The following LYPD3 variants were observed in gnomAD, a reference collection of about 807,000 sequenced individuals.
LYPD3 encodes ly6/PLAUR domain-containing protein 3.
Under a neutral mutation model 21.7 loss-of-function variants are expected in LYPD3, and 22 were observed. The observed-to-expected ratio is 1.01, with a 90% CI of 0.72 to 1.45. The LOEUF (loss-of-function observed/expected upper bound fraction) is 1.45, where lower values mean the gene tolerates loss of function less well. Among genes scored for constraint, LYPD3 ranks in the 40% most tolerant of loss-of-function variants. The probability of loss-of-function intolerance (pLI) is 0.00; values close to 1 mark genes in which losing one functional copy is unlikely to be tolerated. For missense variants in LYPD3, 471 were observed against 466.9 expected (o/e 1.01, Z -0.08); for synonymous variants, 179 against 203.0 (o/e 0.88, Z 1.00).
intron 3 of LYPD3, 39 bp from the exon 4 acceptor site, chr19:43,463,326 G>A: frequency 3.1e-6 from 5 of 1,596,508 alleles, no homozygotes; most frequent in Non-Finnish European, 4.2e-6. Context: ...GTGTCGAAAG[G>A]GTTCGGGAAC....
At position 43,465,474 on chromosome 19, in the gene LYPD3, C is replaced by T. The variant is rs750124924; in HGVS notation, c.79+19G>A. 2.5e-6 allele frequency: 4 copies of T among 1,607,142 alleles called. No homozygotes were observed. The highest frequency in any genetic ancestry group is 3.4e-6 in the Non-Finnish European group (4 of 1,179,624). On this transcript the variant is annotated intron_variant, in intron 1 of 4. Coordinates refer to ENST00000244333, the MANE Select transcript of LYPD3 (RefSeq NM_014400.3). Reference sequence around the variant, plus strand: ...AGCCCCCACTCTACCCCCTCCACCTCTCCGGGCAGCAGACCCACCTCCGCG... The same window carrying T: ...AGCCCCCACTCTACCCCCTCCACCTTTCCGGGCAGCAGACCCACCTCCGCG...
rs1400115629 is a variant in LYPD3, at chr19:43,463,593, A to G, written c.382+6T>C. On this transcript the variant is annotated splice_donor_region_variant and intron_variant, in intron 3 of 4. Coordinates refer to ENST00000244333, the MANE Select transcript of LYPD3 (RefSeq NM_014400.3). The stretch of plus-strand genomic sequence containing the variant: ...CCCCCGCAGCTACGGCCCGGCCCCC[A>G]CGGACCTGCCGGGTCGAGCGCCCGC... The G allele has an allele frequency of 4.4e-6, 7 of 1,598,396 alleles. No homozygotes were observed. Among genetic ancestry groups the G allele is most frequent in the Non-Finnish European group, 5.9e-6 (7 of 1,179,286 alleles).
At chr19:43,463,480 G>T in intron 3 of LYPD3, 119 bp downstream of exon 3, 1 of 1,317,558 alleles carries the variant, frequency 7.6e-7, no homozygotes, top group Non-Finnish European at 1.1e-6. Flanking sequence ...CCCCGCCCCA[G>T]AGTGTGACCC....
In LYPD3 at chr19:43,463,866, A is replaced by G. The variant is rs149996586; in HGVS notation, c.212-97T>C. The G allele has an allele frequency of 3.6e-4, 431 of 1,184,006 alleles. 3 individuals are homozygous for G. In the East Asian group the frequency reaches 9.8e-3, roughly 27 times the overall value. The allele number at this position is 1,184,006 out of a possible 1,614,324, so 73.3% of individuals were successfully genotyped here. ...GGGTCTGGGAGGGGCGGGGCCTCAA[A>G]TAGGCCAACACCACAGGACCGACAG... On this transcript the variant is annotated intron_variant, in intron 2 of 4. Coordinates refer to ENST00000244333, the MANE Select transcript of LYPD3 (RefSeq NM_014400.3).
rs760477530 is a variant in LYPD3 at position 43,465,546 on chromosome 19, G to A, written c.26C>T (p.Ala9Val). The A allele has an allele frequency of 6.2e-7, 1 of 1,610,580 alleles. No homozygotes were observed. The highest frequency in any genetic ancestry group is 8.5e-7 in the Non-Finnish European group (1 of 1,180,002). Residue 9 changes from alanine to valine, a missense_variant, in exon 1 of 5, where the codon GCC (alanine) becomes GTC (valine). Physicochemically the swap from Ala to Val is moderately conservative, Grantham distance 64. Transcript: ENST00000244333. MDPARKAG[A>V]QAMIWTAGWL... is the part of the protein sequence containing the mutation. ...GCCTGCAGTCCAGATCATGGCCTGG[G>A]CACCTGCTTTCCTGGCGGGGTCCAT... is the stretch of plus-strand genomic sequence containing the variant.
chr19:43,462,582 A>G (rs1220810750), intron 4 of LYPD3, among the ~76,000 whole-genome samples: 1 of 152,152 alleles, frequency 6.6e-6, no homozygotes. Flanking sequence ...GCTTGAGCCC[A>G]AGAGGTAGAG....
chr19:43,464,200 A>G, intron 2 of LYPD3, 125 bp downstream of exon 2: 1 of 1,297,640 alleles, frequency 7.7e-7, no homozygotes, highest in Non-Finnish European at 1.0e-6. Flanking sequence ...GGTCCCGGCC[A>G]GGCTGAAAGG....
intron 4 of LYPD3, 140 bp downstream of exon 4, chr19:43,462,986 T>C: frequency 1.2e-6 from 1 of 829,652 alleles, no homozygotes; most frequent in Non-Finnish European, 1.9e-6. Flanking sequence ...TGCCCTACGA[T>C]ACAAGCACCT....
Position 43,464,131 on chromosome 19 carries a change from T to C in LYPD3, c.211+194A>G. On this transcript the variant is annotated intron_variant, in intron 2 of 4. Coordinates refer to ENST00000244333, the MANE Select transcript of LYPD3 (RefSeq NM_014400.3). Reference sequence around the variant, plus strand: ...CCGCCCCACCCAGTTCTCAACTCTCTGCTCCTCGCGCTTGTAATTGTTAAT... The same window carrying C: ...CCGCCCCACCCAGTTCTCAACTCTCCGCTCCTCGCGCTTGTAATTGTTAAT... 6 of 798,528 alleles carry C rather than the reference T, an allele frequency of 7.5e-6. No individual in the cohort carries two copies. In the South Asian group the frequency reaches 9.1e-5, roughly 12 times the overall value. 49.5% of individuals were successfully genotyped at this position (798,528 alleles called of 1,614,324 possible).
In LYPD3 at chr19:43,461,595, G is replaced by T; in HGVS notation, c.797C>A (p.Thr266Lys). ...CGCTGGCATGGGTTTGGTGGTGGAT[G>T]TGGGTCTCACTGGGGCCGAGGTAGA... is the stretch of plus-strand genomic sequence containing the variant. ...TTSTSAPVRPTSTTKPMPAPT... is the reference protein window; with the variant it reads ...TTSTSAPVRPKSTTKPMPAPT... The change falls in exon 5 of 5, where the codon ACA (threonine) becomes AAA (lysine). Residue 266 changes from threonine to lysine, a missense_variant. Transcript: ENST00000244333. The T allele has an allele frequency of 2.5e-6, 4 of 1,614,214 alleles. No homozygotes were observed. The South Asian group carries it at 3.3e-5, about 13-fold the overall frequency.
At position 43,464,413 on chromosome 19, in the gene LYPD3, A is replaced by G; in HGVS notation, c.123T>C (p.Asp41=). 6.2e-7 allele frequency: 1 copy of G among 1,614,116 alleles called. No individual in the cohort carries two copies. Among genetic ancestry groups the G allele is most frequent in the Non-Finnish European group, 8.5e-7 (1 of 1,180,020 alleles). Residue 41 remains aspartate (D), a synonymous_variant, in exon 2 of 5, where the codon GAT becomes GAC. Transcript: ENST00000244333. Reference sequence around the variant, plus strand: ...TCATCTTGTTCGGGGAGCATCCGTCATCTGCTTTCTGCACGCAGCTGTAGC... The same window carrying G: ...TCATCTTGTTCGGGGAGCATCCGTCGTCTGCTTTCTGCACGCAGCTGTAGC... ...LECYSCVQKA[D]DGCSPNKMKT... is the part of the protein sequence containing the mutation.
chr19:43,461,220 G>C lies in LYPD3; in HGVS notation c.*131C>G. 1.8e-6 allele frequency: 2 copies of C among 1,084,560 alleles called. No homozygotes were observed. Among genetic ancestry groups the C allele is most frequent in the Non-Finnish European group, 1.3e-6 (1 of 768,904 alleles). The allele number at this position is 1,084,560 out of a possible 1,614,324, so 67.2% of individuals were successfully genotyped here. A position where few individuals can be genotyped will look rare whatever the true frequency, so the allele number is the denominator to read the frequency against. The stretch of plus-strand genomic sequence containing the variant: ...CCGCAAACCAGCGCAGCAGAAGCTG[G>C]GGATACTGGGGAATGTTGGAAAAAC... On this transcript the variant is annotated 3_prime_UTR_variant, in exon 5 of 5. Coordinates refer to ENST00000244333, the MANE Select transcript of LYPD3 (RefSeq NM_014400.3).
In LYPD3 at chr19:43,461,835, A is replaced by G. The variant is rs755674602; in HGVS notation, c.557T>C (p.Val186Ala). The G allele has an allele frequency of 1.1e-5, 17 of 1,606,878 alleles. No individual in the cohort carries two copies. Among genetic ancestry groups the G allele is most frequent in the Non-Finnish European group, 1.4e-5 (17 of 1,174,030 alleles). ...NVTLTAANVT[V>A]SLPVRGCVQD... ...GACACAGCCCCGGACAGGCAAGGAC[A>G]CAGTCACATTAGCTGCAGGAAGGAG... Residue 186 changes from valine (V) to alanine (A), a missense_variant, in exon 5 of 5, where the codon GTG becomes GCG. Physicochemically the swap from Val to Ala is moderately conservative, Grantham distance 64. Transcript: ENST00000244333.
Position 43,464,361 on chromosome 19 carries a change from C to T in LYPD3, c.175G>A (p.Asp59Asn), listed in dbSNP as rs1386836262. ...MKTVKCAPGVDVCTEAVGAVE... is the reference protein window; with the variant it reads ...MKTVKCAPGVNVCTEAVGAVE... ...GCCCCCACGGCCTCGGTGCAGACGT[C>T]CACGCCCGGCGCGCACTTCACTGTC... is the stretch of plus-strand genomic sequence containing the variant. The change falls in exon 2 of 5, where the codon GAC (aspartate) becomes AAC (asparagine). Residue 59 changes from aspartate (D) to asparagine (N), a missense_variant. By Grantham distance (23) the Asp-to-Asn change is conservative. Coordinates refer to ENST00000244333, the MANE Select transcript of LYPD3 (RefSeq NM_014400.3). 6 of 1,613,574 alleles carry T rather than the reference C, an allele frequency of 3.7e-6. No individual in the cohort carries two copies. Among genetic ancestry groups the T allele is most frequent in the South Asian group, 3.3e-5 (3 of 90,988 alleles).
In LYPD3 at chr19:43,464,324, C is replaced by T; in HGVS notation, c.211+1G>A. On this transcript the variant is annotated splice_donor_variant, in intron 2 of 4. Coordinates refer to ENST00000244333, the MANE Select transcript of LYPD3 (RefSeq NM_014400.3). LOFTEE classifies it high-confidence loss of function. Reference sequence around the variant, plus strand: ...TGCGTGGCCCGGGGGTCCCCACTCACTGGTCTCCACCGCCCCCACGGCCTC... The same window carrying T: ...TGCGTGGCCCGGGGGTCCCCACTCATTGGTCTCCACCGCCCCCACGGCCTC... 3 of 1,603,990 alleles carry T rather than the reference C, an allele frequency of 1.9e-6. No individual in the cohort carries two copies. The highest frequency in any genetic ancestry group is 2.6e-6 in the Non-Finnish European group (3 of 1,175,916).
Position 43,461,175 on chromosome 19 carries a change from C to T in LYPD3, c.*176G>A, listed in dbSNP as rs184173732. Reference sequence around the variant, plus strand: ...AACACCCCTGGCAGAATATATACAACGGTATTTTATTTCCCAAAGCCGCAA... The same window carrying T: ...AACACCCCTGGCAGAATATATACAATGGTATTTTATTTCCCAAAGCCGCAA... On this transcript the variant is annotated 3_prime_UTR_variant, in exon 5 of 5. Transcript: ENST00000244333. 2.3e-4 allele frequency: 162 copies of T among 715,128 alleles called. 1 individual carries two copies. The highest frequency in any genetic ancestry group is 1.8e-3 in the African/African-American group (103 of 55,966). The allele number at this position is 715,128 out of a possible 1,614,324, so 44.3% of individuals were successfully genotyped here.
chr19:43,464,966 T>C lies in LYPD3; in HGVS notation c.80-510A>G, dbSNP rs193058713. ...TTTTTTTTGAGACGGAGTCTCGCTCTGTCGCCAGGCTGGAGTGCAGTGGCG... is the reference window on the plus strand; with the variant it reads ...TTTTTTTTGAGACGGAGTCTCGCTCCGTCGCCAGGCTGGAGTGCAGTGGCG... On this transcript the variant is annotated intron_variant, in intron 1 of 4. Coordinates refer to ENST00000244333, the MANE Select transcript of LYPD3 (RefSeq NM_014400.3). 1.3e-3 allele frequency among the ~76,000 whole-genome samples: 187 copies of C among 146,120 alleles called. 4 individuals are homozygous for C. In the East Asian group the frequency reaches 0.027, roughly 21 times the overall value.
chr19:43,463,640 T>A lies in LYPD3; in HGVS notation c.341A>T (p.Asn114Ile), dbSNP rs1217594172. The change falls in exon 3 of 5, where the codon AAC becomes ATC. Residue 114 changes from asparagine to isoleucine, a missense_variant. Coordinates refer to ENST00000244333, the MANE Select transcript of LYPD3 (RefSeq NM_014400.3). ...CCGCGAGGTGAGGTTGAGCTTGGCG[T>A]TGCAGCGATCCTGAGCGCATTGCTG... ...QLQQCAQDRC[N>I]AKLNLTSRAL... is the part of the protein sequence containing the mutation. The A allele has an allele frequency of 6.2e-7, 1 of 1,606,056 alleles. No homozygotes were observed. Among genetic ancestry groups the A allele is most frequent in the South Asian group, 1.1e-5 (1 of 91,078 alleles).
chr19:43,463,024 C>G (rs1442732572), intron 4 of LYPD3, 102 bp downstream of exon 4: 2 of 1,290,866 alleles, frequency 1.5e-6, no homozygotes, highest in Non-Finnish European at 2.2e-6. Context: ...GAATGCGTCG[C>G]AGGTTAAGGA....
Sources: gnomAD v4.1 joint callset for allele counts (sites outside exome capture counted in the v4.1 genomes callset) on GRCh38, gnomAD v4.1.1 for gene constraint, MANE v1.5 for transcripts, NCBI Gene and HGNC (gene_info 2026-07-23, HGNC 2026-07-21) for gene names.